Variants in PHLPP1 observed in about 807,000 individuals in gnomAD.
PHLPP1 encodes the protein PH domain leucine-rich repeat-containing protein phosphatase 1.
Under a neutral mutation model 117.2 loss-of-function variants are expected in PHLPP1, and 42 were observed. That is an observed-to-expected ratio of 0.36 (90% confidence interval 0.28 to 0.46). PHLPP1 has a LOEUF of 0.46. PHLPP1 is among the 20% of genes least tolerant of loss of function. The pLI, the probability that PHLPP1 is intolerant of heterozygous loss-of-function variation, is 1.00. For synonymous variants in PHLPP1, 1,042 were observed against 970.7 expected (o/e 1.07, Z -1.37); for missense variants, 2,084 against 2,241.9 (o/e 0.93, Z 1.42).
chr18:62,723,840 C>G (rs1910991532), intron 1 of PHLPP1, among the ~76,000 whole-genome samples: 1 of 152,128 alleles, frequency 6.6e-6, no homozygotes, highest in Non-Finnish European at 1.5e-5. Flanking sequence ...TTAACCTACC[C>G]TGGGCTTTGA....
intron 1 of PHLPP1, among the ~76,000 whole-genome samples, chr18:62,726,142 G>A (rs1270455072): frequency 6.6e-6 from 1 of 151,926 alleles, no homozygotes; most frequent in Non-Finnish European, 1.5e-5. Flanking sequence ...ACACACGCAT[G>A]TTCTCCATTG....
chr18:62,849,824 A>ATATATATATATAT (rs1450269021), intron 3 of PHLPP1, among the ~76,000 whole-genome samples: 3 of 44,756 alleles, frequency 6.7e-5, no homozygotes, highest in Non-Finnish European at 1.4e-4. Context: ...AAAAAAAAAA[A>ATATATATATATAT]AAAAAAAAAT....
chr18:62,879,258 C>G (rs1464648229), intron 4 of PHLPP1, among the ~76,000 whole-genome samples: 3 of 152,198 alleles, frequency 2.0e-5, no homozygotes, highest in Non-Finnish European at 2.9e-5. Flanking sequence ...TGAGTTTGCT[C>G]TCTTGCTCTT....
chr18:62,924,284 A>G (rs550946008), intron 10 of PHLPP1, among the ~76,000 whole-genome samples: 4 of 152,174 alleles, frequency 2.6e-5, no homozygotes, highest in South Asian at 4.1e-4. Flanking sequence ...TTCCTTTTTT[A>G]TATTTTTTTG....
chr18:62,979,020 G>C lies in PHLPP1; in HGVS notation c.4743G>C (p.Gln1581His). 6.2e-7 allele frequency: 1 copy of C among 1,613,060 alleles called. No individual in the cohort carries two copies. Among genetic ancestry groups the C allele is most frequent in the South Asian group, 1.1e-5 (1 of 90,996 alleles). ...GGGCCAAGGAGAAGGAGAAACAGCA[G>C]CACCTGCTTCAGGTGCCAGCAGAGG... ...CSRAKEKEKQ[Q>H]HLLQVPAEAS... Residue 1581 changes from glutamine (Q) to histidine (H), a missense_variant, in exon 17 of 17, where the codon CAG (glutamine) becomes CAC (histidine). By Grantham distance (24) the Gln-to-His change is conservative. Coordinates refer to ENST00000262719, the MANE Select transcript of PHLPP1 (RefSeq NM_194449.4).
intron 3 of PHLPP1, among the ~76,000 whole-genome samples, chr18:62,858,786 T>A (rs999984685): frequency 5.9e-5 from 9 of 152,016 alleles, no homozygotes; most frequent in Non-Finnish European, 1.2e-4. Context: ...CTAAAAATAT[T>A]TTTTTTAATA....
At chr18:62,721,852 G>A (rs186819713) in intron 1 of PHLPP1, among the ~76,000 whole-genome samples, 291 of 152,238 alleles carry the variant, frequency 1.9e-3, no homozygotes, top group African/African-American at 6.8e-3. Flanking sequence ...AGTGTAAAAT[G>A]TTTTTGTTGT....
chr18:62,914,959 C>T lies in PHLPP1; in HGVS notation c.2755C>T (p.Leu919=). Residue 919 remains leucine, a synonymous_variant, in exon 9 of 17, where the codon CTA becomes TTA. Coordinates refer to ENST00000262719, the MANE Select transcript of PHLPP1 (RefSeq NM_194449.4). The part of the protein sequence containing the change: ...VPEWVCESRK[L]EVLDIGHNQI... ...TGAGTGGGTATGTGAAAGCCGAAAG[C>T]TAGAAGTTTTGGATATTGGCCATAA... 1.2e-6 allele frequency: 2 copies of T among 1,613,762 alleles called. No individual in the cohort carries two copies. Among genetic ancestry groups the T allele is most frequent in the Non-Finnish European group, 1.7e-6 (2 of 1,179,782 alleles).
chr18:62,924,846 GA>G (rs1208569096), intron 10 of PHLPP1, among the ~76,000 whole-genome samples: 2 of 149,258 alleles, frequency 1.3e-5, no homozygotes, highest in African/African-American at 4.9e-5. Context: ...CTCAAAAAAT[GA>G]AAAAAAGGTA....
chr18:62,883,963 G>A (rs1277866213), intron 4 of PHLPP1, among the ~76,000 whole-genome samples: 1 of 152,200 alleles, frequency 6.6e-6, no homozygotes, highest in African/African-American at 2.4e-5. Context: ...GCACCAATAA[G>A]TACTGTAAAG....
intron 12 of PHLPP1, among the ~76,000 whole-genome samples, chr18:62,955,881 C>T (rs1252413296): frequency 6.6e-6 from 1 of 151,970 alleles, no homozygotes; most frequent in Non-Finnish European, 1.5e-5. Flanking sequence ...CATCAGTGTC[C>T]AGTAGATTGT....
chr18:62,747,350 T>C (rs1911708519), intron 1 of PHLPP1, among the ~76,000 whole-genome samples: 1 of 150,476 alleles, frequency 6.6e-6, no homozygotes. Context: ...AGTGGAATGA[T>C]CTTGGCTCAC....
At chr18:62,912,980 A>G (rs1917000200) in intron 8 of PHLPP1, among the ~76,000 whole-genome samples, 1 of 152,234 alleles carries the variant, frequency 6.6e-6, no homozygotes. Context: ...CAGTGTAATC[A>G]GCAAATGGTA....
At chr18:62,935,659 A>C (rs138006328) in intron 10 of PHLPP1, among the ~76,000 whole-genome samples, 3 of 152,300 alleles carry the variant, frequency 2.0e-5, no homozygotes, top group East Asian at 1.9e-4. Context: ...GCTGAGAAGA[A>C]GGCCTAGAAA....
chr18:62,948,716 T>A (rs1299388870), intron 12 of PHLPP1, among the ~76,000 whole-genome samples: 1 of 151,970 alleles, frequency 6.6e-6, no homozygotes, highest in East Asian at 1.9e-4. Context: ...ACGTGTGCAC[T>A]GAGCAATATC....
rs1187276064 is a variant in PHLPP1 at position 62,975,631 on chromosome 18, A to C, written c.3984+6A>C. 1.3e-6 allele frequency: 2 copies of C among 1,578,178 alleles called. No individual in the cohort carries two copies. The highest frequency in any genetic ancestry group is 1.7e-6 in the Non-Finnish European group (2 of 1,147,588). Reference sequence around the variant, plus strand: ...ACAAGGCCATTATCACTGAGGTGAGAAAACAGGGGTGTTGCCCAGGATGGT... The same window carrying C: ...ACAAGGCCATTATCACTGAGGTGAGCAAACAGGGGTGTTGCCCAGGATGGT... On this transcript the variant is annotated splice_donor_region_variant and intron_variant, in intron 16 of 16. Coordinates refer to ENST00000262719, the MANE Select transcript of PHLPP1 (RefSeq NM_194449.4).
At chr18:62,805,642 T>A (rs1475796528) in intron 1 of PHLPP1, among the ~76,000 whole-genome samples, 2 of 152,198 alleles carry the variant, frequency 1.3e-5, no homozygotes, top group Non-Finnish European at 2.9e-5. Context: ...ATTATAGGTA[T>A]AAGCCACCAT....
intron 1 of PHLPP1, among the ~76,000 whole-genome samples, chr18:62,795,492 C>CAAAAAA (rs11291832): frequency 5.1e-4 from 31 of 61,140 alleles, no homozygotes; most frequent in Admixed American, 6.9e-4. Context: ...GACTCCATCT[C>CAAAAAA]AAAAAAAAAA....
chr18:62,975,331 G>T, intron 15 of PHLPP1, 66 bp from the exon 16 acceptor site: 1 of 1,099,272 alleles, frequency 9.1e-7, no homozygotes. Flanking sequence ...CGGTCTTGCT[G>T]TTGAATTTGC....
Sources: gnomAD v4.1 joint callset for allele counts (sites outside exome capture counted in the v4.1 genomes callset) on GRCh38, gnomAD v4.1.1 for gene constraint, MANE v1.5 for transcripts, NCBI Gene and HGNC (gene_info 2026-07-23, HGNC 2026-07-21) for gene names.